The following LRRK1 variants were observed in gnomAD, a reference collection of about 807,000 sequenced individuals.
LRRK1 encodes the protein leucine rich repeat kinase 1.
In LRRK1, 113 loss-of-function variants were observed where a neutral mutation model predicts 209.1. That is an observed-to-expected ratio of 0.54 (90% confidence interval 0.46 to 0.63). The LOEUF is 0.63. Ranked by LOEUF, LRRK1 falls within the 30% of genes least tolerant of loss-of-function variation. LRRK1 has a pLI of 0.00. For synonymous variants in LRRK1, 1,144 were observed against 1,099.7 expected (o/e 1.04, Z -0.80); for missense variants, 2,284 against 2,632.2 (o/e 0.87, Z 2.89).
intron 2 of LRRK1, among the ~76,000 whole-genome samples, chr15:100,948,953 C>T (rs541381417): frequency 6.6e-6 from 1 of 152,034 alleles, no homozygotes; most frequent in Non-Finnish European, 1.5e-5. Flanking sequence ...ACCTAAACTT[C>T]CACCTTAAGA....
chr15:101,056,814 T>C, intron 27 of LRRK1, 42 bp from the exon 28 acceptor site: 1 of 1,517,336 alleles, frequency 6.6e-7, no homozygotes, highest in Non-Finnish European at 8.9e-7. Flanking sequence ...TGAAGGCCAC[T>C]GGGCCCAGGC....
At chr15:101,020,963 G>A (rs1056453886) in intron 12 of LRRK1, 90 bp from the exon 13 acceptor site, 258 of 1,458,584 alleles carry the variant, frequency 1.8e-4, no homozygotes, top group Admixed American at 2.4e-4. Flanking sequence ...CCCTCTGGAG[G>A]TTGCATCAGT....
rs2036501221 is a variant in LRRK1 at position 101,065,865 on chromosome 15, G to A, written c.5428G>A (p.Gly1810Arg). ...SHTANPKVPE[G>R]DSIADVSIMY... is the part of the protein sequence containing the mutation. ...CACGGCCAACCCAAAGGTGCCTGAG[G>A]GGGACTCCATCGCGGACGTGAGCAT... Residue 1810 changes from glycine to arginine, a missense_variant, in exon 32 of 34, where the codon GGG becomes AGG. Transcript: ENST00000388948. 6.8e-6 allele frequency: 11 copies of A among 1,614,012 alleles called. No homozygotes were observed. Among genetic ancestry groups the A allele is most frequent in the Non-Finnish European group, 9.3e-6 (11 of 1,180,036 alleles).
intron 9 of LRRK1, among the ~76,000 whole-genome samples, chr15:101,011,610 G>A (rs1374662628): frequency 2.0e-5 from 3 of 152,170 alleles, no homozygotes; most frequent in Non-Finnish European, 4.4e-5. Flanking sequence ...GTGCATGTGT[G>A]TGTGTGTTAT....
At chr15:101,036,714 T>C (rs901191478) in intron 20 of LRRK1, among the ~76,000 whole-genome samples, 35 of 151,704 alleles carry the variant, frequency 2.3e-4, no homozygotes, top group Non-Finnish European at 3.6e-4. Flanking sequence ...TTGATATCTG[T>C]GCATCTGGTG....
At chr15:100,940,127 G>C (rs2042373920) in intron 2 of LRRK1, among the ~76,000 whole-genome samples, 1 of 152,166 alleles carries the variant, frequency 6.6e-6, no homozygotes, top group African/African-American at 2.4e-5. Context: ...CTTTGCTGAT[G>C]ATGCCATGAT....
At chr15:100,925,793 A>T (rs531039597) in intron 2 of LRRK1, among the ~76,000 whole-genome samples, 1 of 152,326 alleles carries the variant, frequency 6.6e-6, no homozygotes, top group African/African-American at 2.4e-5. Flanking sequence ...GAGGAACATG[A>T]GGGTAAGAGA....
rs1198009294 is a variant in LRRK1, at chr15:101,053,323, C to T, written c.3957C>T (p.Ile1319=). ...SMLHALQHPC[I]VALIGISIHP... ...TGCACGCGCTGCAGCACCCCTGCAT[C>T]GTGGCGCTCATCGGCATCAGCATCC... The change falls in exon 26 of 34, where the codon ATC becomes ATT. Residue 1319 remains isoleucine, a synonymous_variant. Coordinates refer to ENST00000388948, the MANE Select transcript of LRRK1 (RefSeq NM_024652.6). The T allele has an allele frequency of 8.7e-6, 14 of 1,604,814 alleles. No individual in the cohort carries two copies. The highest frequency in any genetic ancestry group is 1.6e-4 in the Middle Eastern group (1 of 6,084).
rs2036915967 is a variant in LRRK1 at position 101,074,563 on chromosome 15, A to G, written c.*5715A>G. On this transcript the variant is annotated 3_prime_UTR_variant, in exon 34 of 34. Coordinates refer to ENST00000388948, the MANE Select transcript of LRRK1 (RefSeq NM_024652.6). Reference sequence around the variant, plus strand: ...CAAAAGGCCGTCTTATTCTCAATATATATTTTATCACCCAATCTGCTCCCT... The same window carrying G: ...CAAAAGGCCGTCTTATTCTCAATATGTATTTTATCACCCAATCTGCTCCCT... 1 of 152,202 alleles carries G rather than the reference A, an allele frequency of 6.6e-6. No individual in the cohort carries two copies. Among genetic ancestry groups the G allele is most frequent in the Admixed American group, 6.5e-5 (1 of 15,290 alleles). 9.4% of individuals were successfully genotyped at this position (152,202 alleles called of 1,614,324 possible).
At chr15:100,970,869 A>T (rs2030821377) in intron 2 of LRRK1, among the ~76,000 whole-genome samples, 1 of 152,040 alleles carries the variant, frequency 6.6e-6, no homozygotes, top group South Asian at 2.1e-4. Flanking sequence ...GCAATGTTTT[A>T]TGTTTTCAGC....
chr15:101,058,324 G>A (rs566349318), intron 29 of LRRK1, among the ~76,000 whole-genome samples, 183 bp downstream of exon 29: 7 of 152,258 alleles, frequency 4.6e-5, no homozygotes, highest in Non-Finnish European at 8.8e-5. Context: ...ACAAAGAGAC[G>A]TGCATGTATG....
At chr15:100,972,649 G>A (rs2030996265) in intron 2 of LRRK1, among the ~76,000 whole-genome samples, 1 of 151,730 alleles carries the variant, frequency 6.6e-6, no homozygotes, top group African/African-American at 2.4e-5. Flanking sequence ...TCATGTTTTT[G>A]GAGTCATGTT....
chr15:101,047,284 G>A (rs1383017122), intron 21 of LRRK1, among the ~76,000 whole-genome samples: 2 of 152,260 alleles, frequency 1.3e-5, no homozygotes, highest in African/African-American at 4.8e-5. Flanking sequence ...CATCGTGACA[G>A]TAGCAGCCTG....
rs200469257 is a variant in LRRK1, at chr15:101,010,689, G to C, written c.1133G>C (p.Gly378Ala). The C allele has an allele frequency of 3.7e-5, 59 of 1,606,706 alleles. No homozygotes were observed. The highest frequency in any genetic ancestry group is 4.8e-5 in the Non-Finnish European group (56 of 1,178,148). The change falls in exon 9 of 34, where the codon GGT (glycine) becomes GCT (alanine). Residue 378 changes from glycine to alanine, a missense_variant. Coordinates refer to ENST00000388948, the MANE Select transcript of LRRK1 (RefSeq NM_024652.6). ...TTTTTTTTAGCCACTAACTGGATAG[G>C]TTTACGGAAGCTACAGGAACTTGAT... Reference protein sequence around the residue: ...FEEENATNWIGLRKLQELDIS... With the variant: ...FEEENATNWIALRKLQELDIS...
intron 12 of LRRK1, 115 bp downstream of exon 12, chr15:101,015,517 T>G: frequency 2.8e-6 from 2 of 710,722 alleles, no homozygotes; most frequent in Non-Finnish European, 4.9e-6. Flanking sequence ...AATGCCCTGT[T>G]GCAATGCCAC....
chr15:101,018,820 C>T (rs2033657573), intron 12 of LRRK1, among the ~76,000 whole-genome samples: 1 of 152,150 alleles, frequency 6.6e-6, no homozygotes, highest in South Asian at 2.1e-4. Flanking sequence ...GAGGCCCACA[C>T]CTGAGTGAAA....
intron 17 of LRRK1, among the ~76,000 whole-genome samples, 175 bp downstream of exon 17, chr15:101,026,312 C>T (rs889067091): frequency 7.2e-5 from 11 of 152,286 alleles, no homozygotes; most frequent in East Asian, 3.8e-4. Context: ...ACCTACCAGA[C>T]GGCTGGCTGG....
intron 2 of LRRK1, among the ~76,000 whole-genome samples, chr15:100,942,318 A>G (rs1157960475): frequency 2.0e-5 from 3 of 152,220 alleles, no homozygotes; most frequent in African/African-American, 7.2e-5. Context: ...CTAAGTGCAC[A>G]TGCTAGGCAG....
rs2033773382 is a variant in LRRK1 at position 101,021,272 on chromosome 15, A to G, written c.1739+90A>G. 4 of 1,426,886 alleles carry G rather than the reference A, an allele frequency of 2.8e-6. No individual in the cohort carries two copies. In the African/African-American group the frequency reaches 4.3e-5, roughly 15 times the overall value. 88.4% of individuals were successfully genotyped at this position (1,426,886 alleles called of 1,614,324 possible). On this transcript the variant is annotated intron_variant, in intron 13 of 33. Transcript: ENST00000388948. ...TAAACCAACTGGGACACAGAAAGCCAGGCAGAAAGAAGCCATCTACTTTCC... is the reference window on the plus strand; with the variant it reads ...TAAACCAACTGGGACACAGAAAGCCGGGCAGAAAGAAGCCATCTACTTTCC...
Sources: gnomAD v4.1 joint callset for allele counts (sites outside exome capture counted in the v4.1 genomes callset) on GRCh38, gnomAD v4.1.1 for gene constraint, MANE v1.5 for transcripts, NCBI Gene and HGNC (gene_info 2026-07-23, HGNC 2026-07-21) for gene names.